The following VTA1 variants were observed in gnomAD, a reference collection of about 807,000 sequenced individuals.
The protein encoded by VTA1 is vesicle trafficking 1.
A neutral mutation model predicts 36.9 loss-of-function variants in VTA1; 24 were observed. The observed-to-expected ratio is 0.65, with a 90% CI of 0.47 to 0.91. The LOEUF (loss-of-function observed/expected upper bound fraction) is 0.91, where lower values mean the gene tolerates loss of function less well. VTA1 is among the 40% of genes least tolerant of loss of function. VTA1 has a pLI of 0.00. For missense variants in VTA1, 393 were observed against 377.2 expected (o/e 1.04, Z -0.35); for synonymous variants, 142 against 130.2 (o/e 1.09, Z -0.62).
chr6:142,207,269 A>G (rs1582903518), intron 7 of VTA1, among the ~76,000 whole-genome samples: 1 of 152,108 alleles, frequency 6.6e-6, no homozygotes, highest in South Asian at 2.1e-4. Context: ...GTGGTCAACC[A>G]TCTTCCCCAC....
intron 4 of VTA1, among the ~76,000 whole-genome samples, chr6:142,181,094 A>AAAAATAT (rs1471429927): frequency 9.6e-4 from 35 of 36,440 alleles, no homozygotes; most frequent in South Asian, 2.8e-3. Context: ...AAAAAAAAAA[A>AAAAATAT]ATATATATAT....
intron 4 of VTA1, among the ~76,000 whole-genome samples, chr6:142,176,535 A>T (rs1034677743): frequency 1.3e-5 from 2 of 151,972 alleles, no homozygotes; most frequent in Admixed American, 6.6e-5. Context: ...AAAAATATAA[A>T]GTGCTTGGCC....
At chr6:142,154,869 A>G (rs1043647276) in intron 1 of VTA1, among the ~76,000 whole-genome samples, 7 of 151,926 alleles carry the variant, frequency 4.6e-5, no homozygotes, top group African/African-American at 1.7e-4. Flanking sequence ...TAACAGCGTT[A>G]CTCTGGTTTC....
chr6:142,188,225 C>CTTTTTTTTTTTTTT lies in VTA1; in HGVS notation c.412-1186_412-1173dup, dbSNP rs200348683. Among the ~76,000 whole-genome samples the CTTTTTTTTTTTTTT allele has an allele frequency of 2.9e-4, 23 of 78,966 alleles. 1 individual carries two copies. Among genetic ancestry groups the CTTTTTTTTTTTTTT allele is most frequent in the Non-Finnish European group, 4.4e-4 (17 of 38,248 alleles). 51.8% of individuals were successfully genotyped at this position (78,966 alleles called of 152,430 possible). On this transcript the variant is annotated intron_variant, in intron 4 of 7. Coordinates refer to ENST00000367630, the MANE Select transcript of VTA1 (RefSeq NM_016485.5). Reference sequence around the variant, plus strand: ...TGCCTAGCCCTCTATTTCTTTATTTCTTTTTTTTTTTTTTTTTTTTTTTTT... The same window carrying CTTTTTTTTTTTTTT: ...TGCCTAGCCCTCTATTTCTTTATTTCTTTTTTTTTTTTTTTTTTTTTTTTTTTTTTTTTTTTTTT...
At chr6:142,157,743 A>G (rs996705187) in intron 1 of VTA1, among the ~76,000 whole-genome samples, 1 of 152,188 alleles carries the variant, frequency 6.6e-6, no homozygotes, top group East Asian at 1.9e-4. Flanking sequence ...GATTTCAATA[A>G]CTATGCTTGA....
intron 1 of VTA1, among the ~76,000 whole-genome samples, chr6:142,148,055 T>C (rs192019394): frequency 3.3e-5 from 5 of 152,328 alleles, no homozygotes; most frequent in Admixed American, 2.0e-4. Context: ...AAAAAAAATA[T>C]AGGTTAACTC....
chr6:142,210,383 G>T (rs1045989798), intron 7 of VTA1, among the ~76,000 whole-genome samples: 1 of 152,094 alleles, frequency 6.6e-6, no homozygotes, highest in African/African-American at 2.4e-5. Flanking sequence ...TTTTTTGTGT[G>T]TAAGACCTCG....
chr6:142,150,943 G>C (rs374047828), intron 1 of VTA1, among the ~76,000 whole-genome samples: 1 of 151,896 alleles, frequency 6.6e-6, no homozygotes, highest in Non-Finnish European at 1.5e-5. Flanking sequence ...AGCATGAAAG[G>C]TTCCAAAAGA....
At chr6:142,158,395 G>A (rs1778703952) in intron 1 of VTA1, among the ~76,000 whole-genome samples, 2 of 152,038 alleles carry the variant, frequency 1.3e-5, no homozygotes, top group South Asian at 4.1e-4. Context: ...ACATACTCAG[G>A]ATAATAATAA....
intron 2 of VTA1, among the ~76,000 whole-genome samples, chr6:142,167,669 C>G (rs569255425): frequency 6.6e-6 from 1 of 152,296 alleles, no homozygotes; most frequent in African/African-American, 2.4e-5. Context: ...GTGTGGCTGT[C>G]TGGCTTACTG....
intron 4 of VTA1, among the ~76,000 whole-genome samples, 171 bp downstream of exon 4, chr6:142,170,592 C>A (rs56185739): frequency 0.17 from 25,096 of 151,996 alleles, 2,705 homozygotes; most frequent in Non-Finnish European, 0.23. Flanking sequence ...AAATTATTTC[C>A]AATAATATAT....
rs1194787405 is a variant in VTA1 at position 142,159,683 on chromosome 6, T to G, written c.113-6545T>G. Among the ~76,000 whole-genome samples the G allele has an allele frequency of 2.0e-5, 3 of 151,490 alleles. No homozygotes were observed. The East Asian group carries it at 5.8e-4, about 29-fold the overall frequency. The stretch of plus-strand genomic sequence containing the variant: ...TGCCTGCCACCACACCCAGCTAATT[T>G]TTTGTATTTTTAGTAGAGACAGGGT... On this transcript the variant is annotated intron_variant, in intron 1 of 7. Transcript: ENST00000367630.
chr6:142,198,107 AT>A lies in VTA1; in HGVS notation c.521-331del, dbSNP rs1562266737. 9.6e-3 allele frequency among the ~76,000 whole-genome samples: 1,208 copies of A among 126,102 alleles called. 23 individuals carry two copies. Among genetic ancestry groups the A allele is most frequent in the African/African-American group, 0.019 (564 of 29,966 alleles). 82.7% of individuals were successfully genotyped at this position (126,102 alleles called of 152,430 possible). On this transcript the variant is annotated intron_variant, in intron 5 of 7. Transcript: ENST00000367630. ...GTGAGACTCCGTCTCAAAAAAAAAT[AT>A]ATATATATATATGTGTGTGTGTGTG...
chr6:142,218,464 C>A, intron 7 of VTA1, 34 bp from the exon 8 acceptor site: 1 of 1,604,852 alleles, frequency 6.2e-7, no homozygotes, highest in Non-Finnish European at 8.5e-7. Flanking sequence ...TTTTTATATT[C>A]TTATAAATAT....
At chr6:142,184,690 A>C (rs528313741) in intron 4 of VTA1, among the ~76,000 whole-genome samples, 1 of 152,172 alleles carries the variant, frequency 6.6e-6, no homozygotes, top group Admixed American at 6.5e-5. Flanking sequence ...CAGGAATCCA[A>C]TCTTGATTGA....
chr6:142,171,278 A>G (rs1278110037), intron 4 of VTA1, among the ~76,000 whole-genome samples: 2 of 152,070 alleles, frequency 1.3e-5, no homozygotes, highest in African/African-American at 4.8e-5. Flanking sequence ...TATTTTTACT[A>G]GAGACAGGGT....
chr6:142,203,961 C>T (rs1291617151), intron 6 of VTA1, 24 bp from the exon 7 acceptor site: 2 of 1,601,466 alleles, frequency 1.2e-6, no homozygotes, highest in East Asian at 4.5e-5. Flanking sequence ...CTTCTATGCC[C>T]ATTTTTGCTT....
intron 4 of VTA1, among the ~76,000 whole-genome samples, chr6:142,188,794 A>C: frequency 6.6e-6 from 1 of 152,188 alleles, no homozygotes; most frequent in East Asian, 1.9e-4. Flanking sequence ...TTAGCATATC[A>C]TGTTACATTA....
chr6:142,166,726 A>G (rs919243160), intron 2 of VTA1, among the ~76,000 whole-genome samples: 1 of 151,948 alleles, frequency 6.6e-6, no homozygotes, highest in Admixed American at 6.6e-5. Context: ...GGTTCAAGCA[A>G]TTCTCTTACA....
Sources: gnomAD v4.1 joint callset for allele counts (sites outside exome capture counted in the v4.1 genomes callset) on GRCh38, gnomAD v4.1.1 for gene constraint, MANE v1.5 for transcripts, NCBI Gene and HGNC (gene_info 2026-07-23, HGNC 2026-07-21) for gene names.